Variants in ABCA12 observed in about 807,000 individuals in gnomAD.
ABCA12 encodes the protein glucosylceramide transporter ABCA12.
A neutral mutation model predicts 293.5 loss-of-function variants in ABCA12; 156 were observed. The ratio of observed to expected loss-of-function variants is 0.53; its 90% CI spans 0.47 to 0.61. The LOEUF (loss-of-function observed/expected upper bound fraction) is 0.61. ABCA12 is among the 20% of genes least tolerant of loss of function. The probability of loss-of-function intolerance (pLI) is 0.00; values close to 1 mark genes in which losing one functional copy is unlikely to be tolerated. For missense variants in ABCA12, 2,797 were observed against 3,090.2 expected, an observed-to-expected ratio of 0.91 and a Z score of 2.25; for synonymous variants, 1,063 against 1,108.0, an observed-to-expected ratio of 0.96 and a Z score of 0.81.
chr2:214,950,801 G>T, intron 45 of ABCA12, 78 bp downstream of exon 45: 3 of 1,489,636 alleles, frequency 2.0e-6, no homozygotes, highest in Non-Finnish European at 2.8e-6. Flanking sequence ...CACTGTACCT[G>T]GCCAATAATT....
chr2:215,133,403 T>C (rs924232160), intron 1 of ABCA12, among the ~76,000 whole-genome samples: 2 of 151,944 alleles, frequency 1.3e-5, no homozygotes, highest in Non-Finnish European at 2.9e-5. Flanking sequence ...ATTCCAATAA[T>C]GTGTAGGTTT....
intron 3 of ABCA12, among the ~76,000 whole-genome samples, chr2:215,060,773 CCATATTTT>C (rs1446194525): frequency 6.6e-6 from 1 of 152,018 alleles, no homozygotes; most frequent in African/African-American, 2.4e-5. Flanking sequence ...CTAAGTTCAT[CCATATTTT>C]TCAATATTAA....
At chr2:215,009,221 G>T (rs1007825184) in intron 18 of ABCA12, among the ~76,000 whole-genome samples, 2 of 151,930 alleles carry the variant, frequency 1.3e-5, no homozygotes, top group African/African-American at 4.8e-5. Context: ...AACCAACACA[G>T]GAATAGAAAA....
In ABCA12 at chr2:214,983,748, G is replaced by A. The variant is rs141310847; in HGVS notation, c.4281C>T (p.Asp1427=). Residue 1427 remains aspartate, a synonymous_variant, in exon 29 of 53, where the codon GAC becomes GAT. Coordinates refer to ENST00000272895, the MANE Select transcript of ABCA12 (RefSeq NM_173076.3). ...TAGTAGTGAGGTAACTGAACAAGAC[G>A]TCGTGCTGCATACAGACTCCCATGT... The part of the protein sequence containing the change: ...RKNMGVCMQH[D]VLFSYLTTKE... The A allele has an allele frequency of 7.4e-6, 12 of 1,614,090 alleles. No homozygotes were observed. Among genetic ancestry groups the A allele is most frequent in the South Asian group, 4.4e-5 (4 of 91,062 alleles).
At chr2:214,955,767 T>C (rs1698927515) in intron 42 of ABCA12, among the ~76,000 whole-genome samples, 1 of 152,212 alleles carries the variant, frequency 6.6e-6, no homozygotes, top group East Asian at 1.9e-4. Flanking sequence ...GCCTTCTAAC[T>C]AGATCTCTCT....
intron 9 of ABCA12, 135 bp from the exon 10 acceptor site, chr2:215,027,073 G>A (rs1411804881): frequency 1.4e-5 from 9 of 654,010 alleles, no homozygotes; most frequent in African/African-American, 7.3e-5. Context: ...GGCCGGGCGC[G>A]GTGGCTCACG....
intron 2 of ABCA12, among the ~76,000 whole-genome samples, chr2:215,068,512 G>A (rs889962542): frequency 6.6e-6 from 1 of 152,150 alleles, no homozygotes; most frequent in Non-Finnish European, 1.5e-5. Context: ...CTCCTGGAAG[G>A]ATAGCCTTTC....
chr2:215,124,996 GC>G (rs1322084209), intron 1 of ABCA12, among the ~76,000 whole-genome samples: 1 of 152,080 alleles, frequency 6.6e-6, no homozygotes, highest in African/African-American at 2.4e-5. Context: ...GTGAGATGAG[GC>G]TCCAGTTTCA....
intron 2 of ABCA12, chr2:215,075,702 C>G: frequency 1.7e-6 from 1 of 599,018 alleles, no homozygotes; most frequent in Non-Finnish European, 2.9e-6. Context: ...TTTGATAACC[C>G]ATTAAAAGTA....
chr2:215,097,947 T>C (rs1369279448), intron 2 of ABCA12, among the ~76,000 whole-genome samples: 1 of 152,074 alleles, frequency 6.6e-6, no homozygotes, highest in African/African-American at 2.4e-5. Context: ...CATAACAAAG[T>C]TCTATAATTT....
At chr2:214,995,591 T>C (rs1700015693) in intron 23 of ABCA12, among the ~76,000 whole-genome samples, 1 of 152,160 alleles carries the variant, frequency 6.6e-6, no homozygotes. Flanking sequence ...GAACCTTACA[T>C]CTTTAAAAAG....
chr2:214,976,107 T>G (rs1040266311), intron 33 of ABCA12, 70 bp from the exon 34 acceptor site: 1 of 1,571,094 alleles, frequency 6.4e-7, no homozygotes, highest in Non-Finnish European at 8.7e-7. Flanking sequence ...CTTCAGAAAC[T>G]ATATATAAAT....
chr2:215,016,291 CTT>C (rs1326786685), intron 14 of ABCA12, among the ~76,000 whole-genome samples: 1 of 149,090 alleles, frequency 6.7e-6, no homozygotes, highest in East Asian at 2.1e-4. Context: ...TAGTTTAAGA[CTT>C]TGCTCCCTGG....
At chr2:215,104,827 G>T (rs1702429963) in intron 2 of ABCA12, among the ~76,000 whole-genome samples, 4 of 152,166 alleles carry the variant, frequency 2.6e-5, no homozygotes, top group African/African-American at 9.7e-5. Flanking sequence ...TTCCCAGGTG[G>T]ATGTAGCTGG....
At chr2:214,944,263 T>G (rs774098996) in intron 49 of ABCA12, among the ~76,000 whole-genome samples, 1 of 151,898 alleles carries the variant, frequency 6.6e-6, no homozygotes, top group Non-Finnish European at 1.5e-5. Flanking sequence ...AATACAAATA[T>G]TAGCCGGGCA....
intron 2 of ABCA12, among the ~76,000 whole-genome samples, chr2:215,109,555 A>C (rs1244361750): frequency 6.6e-6 from 1 of 152,232 alleles, no homozygotes; most frequent in East Asian, 1.9e-4. Context: ...TTCCTTGGCT[A>C]GTTATTATTA....
At chr2:215,040,822 C>CA (rs1701084546) in intron 7 of ABCA12, among the ~76,000 whole-genome samples, 2 of 151,460 alleles carry the variant, frequency 1.3e-5, no homozygotes, top group South Asian at 2.1e-4. Flanking sequence ...AAAAAACAAA[C>CA]AAAAAAACAA....
At chr2:215,124,648 ATTGT>A (rs1274958700) in intron 1 of ABCA12, among the ~76,000 whole-genome samples, 1 of 151,308 alleles carries the variant, frequency 6.6e-6, no homozygotes, top group Non-Finnish European at 1.5e-5. Context: ...TTTTGATGGG[ATTGT>A]TTGTTTTTTT....
chr2:215,076,160 G>T (rs2106088420), intron 2 of ABCA12, among the ~76,000 whole-genome samples: 1 of 152,260 alleles, frequency 6.6e-6, no homozygotes, highest in African/African-American at 2.4e-5. Context: ...CTCAACCAAA[G>T]ATTTCCTTAC....
Sources: gnomAD v4.1 joint callset for allele counts (sites outside exome capture counted in the v4.1 genomes callset) on GRCh38, gnomAD v4.1.1 for gene constraint, MANE v1.5 for transcripts, NCBI Gene and HGNC (gene_info 2026-07-23, HGNC 2026-07-21) for gene names.